NCK2: variants seen among roughly 807,000 people sequenced by gnomAD.
NCK2 encodes the protein cytoplasmic protein NCK2.
NCK2 carries 16 observed loss-of-function variants against 33.9 expected under a neutral mutation model. That is an observed-to-expected ratio of 0.47 (90% CI 0.32 to 0.72). NCK2 has a LOEUF of 0.72. Among genes scored for constraint, NCK2 ranks in the 30% least tolerant of loss-of-function variants. NCK2 has a pLI of 0.03. For synonymous variants in NCK2, 273 were observed against 239.9 expected, an observed-to-expected ratio of 1.14 and a Z score of -1.27; for missense variants, 418 against 537.3, an observed-to-expected ratio of 0.78 and a Z score of 2.19.
At chr2:105,752,090 T>G (rs1689471528) in intron 1 of NCK2, among the ~76,000 whole-genome samples, 1 of 152,230 alleles carries the variant, frequency 6.6e-6, no homozygotes, top group African/African-American at 2.4e-5. Flanking sequence ...ATACGTTTAC[T>G]GCACCTCTTG....
chr2:105,815,566 C>G (rs1398007643), intron 1 of NCK2, among the ~76,000 whole-genome samples: 1 of 152,192 alleles, frequency 6.6e-6, no homozygotes, highest in East Asian at 1.9e-4. Flanking sequence ...AAAATACTTA[C>G]CAAGTGCAGT....
In NCK2 at chr2:105,803,990, A is replaced by T. The variant is rs77854346; in HGVS notation, c.-200-12440A>T. ...GAATCTGAGTCATGGATTGCAAGAC[A>T]GAGGAGTAAATTAACACGTTGAGTG... On this transcript the variant is annotated intron_variant, in intron 1 of 4. Coordinates refer to ENST00000233154, the MANE Select transcript of NCK2 (RefSeq NM_003581.5). Among the ~76,000 whole-genome samples, 1,296 of 152,336 alleles carry T rather than the reference A, an allele frequency of 8.5e-3. 24 individuals are homozygous for T. The highest frequency in any genetic ancestry group is 0.029 in the African/African-American group (1,225 of 41,582).
chr2:105,764,584 A>T (rs1414378453), intron 1 of NCK2, among the ~76,000 whole-genome samples: 1 of 152,224 alleles, frequency 6.6e-6, no homozygotes, highest in Non-Finnish European at 1.5e-5. Context: ...AGGTAAAAAG[A>T]TCTCAAAGTG....
At chr2:105,810,202 A>T (rs1558848112) in intron 1 of NCK2, among the ~76,000 whole-genome samples, 1 of 152,214 alleles carries the variant, frequency 6.6e-6, no homozygotes, top group Non-Finnish European at 1.5e-5. Context: ...TTCAGATGTT[A>T]TAGAAATTAA....
At chr2:105,788,955 C>T (rs941882660) in intron 1 of NCK2, among the ~76,000 whole-genome samples, 2 of 152,132 alleles carry the variant, frequency 1.3e-5, no homozygotes, top group African/African-American at 4.8e-5. Flanking sequence ...GAATTCTAAA[C>T]TGATATAGAC....
At chr2:105,870,954 G>A (rs978085150) in intron 3 of NCK2, among the ~76,000 whole-genome samples, 2 of 151,940 alleles carry the variant, frequency 1.3e-5, no homozygotes, top group Non-Finnish European at 1.5e-5. Context: ...AAGGGAAGGA[G>A]GAAGAAATAG....
chr2:105,827,665 T>C (rs1573166781), intron 2 of NCK2, among the ~76,000 whole-genome samples: 1 of 152,216 alleles, frequency 6.6e-6, no homozygotes, highest in East Asian at 1.9e-4. Flanking sequence ...GTCTTCTATC[T>C]TTTAATAGAA....
intron 1 of NCK2, among the ~76,000 whole-genome samples, chr2:105,776,997 G>A (rs1325155684): frequency 6.6e-6 from 1 of 151,596 alleles, no homozygotes; most frequent in Non-Finnish European, 1.5e-5. Context: ...GACAGCCAAA[G>A]GCATCTTCCC....
intron 1 of NCK2, among the ~76,000 whole-genome samples, chr2:105,780,450 A>T (rs1156458786): frequency 6.6e-6 from 1 of 152,012 alleles, no homozygotes; most frequent in Non-Finnish European, 1.5e-5. Flanking sequence ...TCTAATGTTC[A>T]TCCTCAAATC....
At chr2:105,796,296 G>A (rs932115748) in intron 1 of NCK2, among the ~76,000 whole-genome samples, 3 of 152,228 alleles carry the variant, frequency 2.0e-5, no homozygotes, top group Non-Finnish European at 4.4e-5. Flanking sequence ...AGGCTGTTTT[G>A]TCATTGATGG....
chr2:105,809,873 C>G (rs1363737247), intron 1 of NCK2, among the ~76,000 whole-genome samples: 1 of 152,136 alleles, frequency 6.6e-6, no homozygotes, highest in African/African-American at 2.4e-5. Context: ...ACCCACTGAG[C>G]ACTGCTAGAA....
In NCK2 at chr2:105,876,257, ACAT is replaced by A. The variant is rs1678230466; in HGVS notation, c.227-5067_227-5065del. Among the ~76,000 whole-genome samples, 3 of 152,224 alleles carry A rather than the reference ACAT, an allele frequency of 2.0e-5. No homozygotes were observed. The South Asian group carries it at 6.2e-4, about 31-fold the overall frequency. On this transcript the variant is annotated intron_variant, in intron 3 of 4. Transcript: ENST00000233154. ...TTAACTTGAGAATTGAAAGAAAAAC[ACAT>A]CATTTCATCTCTTGTCTCAAGTCTT... is the stretch of plus-strand genomic sequence containing the variant.
intron 2 of NCK2, among the ~76,000 whole-genome samples, chr2:105,845,131 C>A (rs1028793590): frequency 6.6e-6 from 1 of 152,090 alleles, no homozygotes; most frequent in Non-Finnish European, 1.5e-5. Flanking sequence ...AGCATAGATA[C>A]CATGCTTAGG....
intron 1 of NCK2, among the ~76,000 whole-genome samples, chr2:105,754,038 T>G (rs1285491127): frequency 6.6e-6 from 1 of 152,038 alleles, no homozygotes; most frequent in Non-Finnish European, 1.5e-5. Context: ...GCCATCAGAG[T>G]GTTGAGCAGC....
rs566390929 is a variant in NCK2, at chr2:105,816,623, C to T, written c.-17+10C>T. 6.6e-6 allele frequency: 1 copy of T among 152,294 alleles called. No homozygotes were observed. Among genetic ancestry groups the T allele is most frequent in the South Asian group, 2.1e-4 (1 of 4,824 alleles). 9.4% of individuals were successfully genotyped at this position (152,294 alleles called of 1,614,324 possible). On this transcript the variant is annotated intron_variant, in intron 2 of 4. Coordinates refer to ENST00000233154, the MANE Select transcript of NCK2 (RefSeq NM_003581.5). ...CAACTGTGTGCCAAAGGTAAGTCTG[C>T]AGTTTTCTGCTTAAAACAGAAGTTG...
At chr2:105,864,967 C>T (rs571965727) in intron 3 of NCK2, among the ~76,000 whole-genome samples, 174 of 152,162 alleles carry the variant, frequency 1.1e-3, no homozygotes, top group Non-Finnish European at 2.0e-3. Context: ...CCAAATAACA[C>T]GAGTACCTTC....
At position 105,827,729 on chromosome 2, in the gene NCK2, T is replaced by G. The variant is rs183742740; in HGVS notation, c.-17+11116T>G. ...CAAATGGTCACACATATTGTATGAT[T>G]CCATTTATATAACATTCTCAAAATG... On this transcript the variant is annotated intron_variant, in intron 2 of 4. Coordinates refer to ENST00000233154, the MANE Select transcript of NCK2 (RefSeq NM_003581.5). Among the ~76,000 whole-genome samples, 4 of 152,332 alleles carry G rather than the reference T, an allele frequency of 2.6e-5. No individual in the cohort carries two copies. The East Asian group carries it at 7.7e-4, about 29-fold the overall frequency.
In NCK2 at chr2:105,881,829, A is replaced by T; in HGVS notation, c.728A>T (p.Gln243Leu). 3 of 1,606,000 alleles carry T rather than the reference A, an allele frequency of 1.9e-6. No homozygotes were observed. The highest frequency in any genetic ancestry group is 2.6e-6 in the Non-Finnish European group (3 of 1,175,252). Residue 243 changes from glutamine (Q) to leucine (L), a missense_variant, in exon 4 of 5, where the codon CAG becomes CTG. Transcript: ENST00000233154. Reference sequence around the variant, plus strand: ...TGGAAATGCAAAAATGCCCGGGGCCAGGTGGGCCTCGTCCCCAAAAACTAC... The same window carrying T: ...TGGAAATGCAAAAATGCCCGGGGCCTGGTGGGCCTCGTCCCCAAAAACTAC... ...EWWKCKNARG[Q>L]VGLVPKNYVV...
At chr2:105,871,365 G>C (rs1361337548) in intron 3 of NCK2, among the ~76,000 whole-genome samples, 3 of 152,014 alleles carry the variant, frequency 2.0e-5, no homozygotes, top group Non-Finnish European at 4.4e-5. Flanking sequence ...AAGGTGCTCC[G>C]CACGCTTTGG....
Sources: allele counts gnomAD v4.1 joint callset (sites outside exome capture counted in the v4.1 genomes callset), GRCh38; gene constraint gnomAD v4.1.1; transcripts MANE v1.5; gene names NCBI Gene and HGNC (gene_info 2026-07-23, HGNC 2026-07-21).